PPM1H: variants seen among roughly 807,000 people sequenced by gnomAD.
PPM1H encodes protein phosphatase 1H.
A neutral mutation model predicts 54.9 loss-of-function variants in PPM1H; 27 were observed. That is an observed-to-expected ratio of 0.49 (90% CI 0.36 to 0.68). PPM1H has a LOEUF of 0.68. Among genes scored for constraint, PPM1H ranks in the 30% least tolerant of loss-of-function variants. The probability of loss-of-function intolerance (pLI) is 0.00; values close to 1 mark genes in which losing one functional copy is unlikely to be tolerated. For missense variants in PPM1H, 596 were observed against 667.8 expected, an observed-to-expected ratio of 0.89 and a Z score of 1.19; for synonymous variants, 305 against 270.8, an observed-to-expected ratio of 1.13 and a Z score of -1.24.
intron 8 of PPM1H, among the ~76,000 whole-genome samples, chr12:62,670,139 G>A (rs575269362): frequency 0.011 from 1,697 of 151,590 alleles, 35 homozygotes; most frequent in African/African-American, 0.038. Flanking sequence ...CACCACGCCC[G>A]GCTAATTTTG....
At chr12:62,924,989 A>G (rs2121177174) in intron 1 of PPM1H, among the ~76,000 whole-genome samples, 1 of 152,204 alleles carries the variant, frequency 6.6e-6, no homozygotes, top group South Asian at 2.1e-4. Flanking sequence ...GCTGCGTTGA[A>G]CCTGGATCAC....
chr12:62,748,143 C>T (rs1478969026), intron 4 of PPM1H, among the ~76,000 whole-genome samples: 1 of 151,614 alleles, frequency 6.6e-6, no homozygotes, highest in African/African-American at 2.4e-5. Flanking sequence ...TTTGGGAAGT[C>T]GAGGCAGGAG....
At chr12:62,755,806 G>A in intron 4 of PPM1H, 1 of 941,038 alleles carries the variant, frequency 1.1e-6, no homozygotes, top group South Asian at 1.4e-5. Context: ...GCCCCTCTGG[G>A]AAACTGTGGT....
intron 1 of PPM1H, among the ~76,000 whole-genome samples, chr12:62,914,267 G>T (rs60671574): frequency 7.1e-4 from 108 of 152,296 alleles, no homozygotes; most frequent in African/African-American, 2.5e-3. Context: ...GCACATGCTG[G>T]CTGTCCTTTG....
At chr12:62,838,328 T>G in intron 1 of PPM1H, among the ~76,000 whole-genome samples, 3 of 103,722 alleles carry the variant, frequency 2.9e-5, no homozygotes, top group East Asian at 3.2e-4. Flanking sequence ...AAATACAGTG[T>G]GTGTGTGTGT....
At chr12:62,705,890 G>A (rs2076170572) in intron 6 of PPM1H, among the ~76,000 whole-genome samples, 1 of 152,226 alleles carries the variant, frequency 6.6e-6, no homozygotes, top group East Asian at 1.9e-4. Flanking sequence ...AGCTACAAAT[G>A]GTGGGGTGAA....
intron 1 of PPM1H, among the ~76,000 whole-genome samples, chr12:62,928,546 T>C (rs938650361): frequency 2.6e-5 from 4 of 152,068 alleles, no homozygotes; most frequent in African/African-American, 9.7e-5. Context: ...CTCCCCCTTC[T>C]CCCCCATCTG....
intron 1 of PPM1H, among the ~76,000 whole-genome samples, chr12:62,910,373 T>C (rs1289076948): frequency 1.3e-5 from 2 of 152,170 alleles, no homozygotes; most frequent in African/African-American, 4.8e-5. Context: ...TTGAATAACC[T>C]AAAGATTATC....
intron 2 of PPM1H, among the ~76,000 whole-genome samples, chr12:62,814,871 G>C (rs2076856454): frequency 1.3e-5 from 2 of 152,184 alleles, no homozygotes; most frequent in African/African-American, 4.8e-5. Flanking sequence ...ATATTTTTCT[G>C]TTTCCCCACT....
chr12:62,713,243 C>G (rs2076217114), intron 6 of PPM1H, among the ~76,000 whole-genome samples: 1 of 152,122 alleles, frequency 6.6e-6, no homozygotes, highest in Non-Finnish European at 1.5e-5. Context: ...ACCCCAAACA[C>G]AGTGGAAAGG....
At chr12:62,781,681 T>G (rs1056387529) in intron 4 of PPM1H, among the ~76,000 whole-genome samples, 1 of 152,204 alleles carries the variant, frequency 6.6e-6, no homozygotes, top group East Asian at 1.9e-4. Context: ...GCTGCCAGTT[T>G]GGGGATCACA....
intron 4 of PPM1H, chr12:62,755,774 G>T: frequency 1.1e-6 from 1 of 935,796 alleles, no homozygotes; most frequent in Non-Finnish European, 1.7e-6. Flanking sequence ...TGCCATCACT[G>T]CCACCCAGAA....
At chr12:62,721,892 T>G (rs1470401819) in intron 5 of PPM1H, among the ~76,000 whole-genome samples, 7 of 152,124 alleles carry the variant, frequency 4.6e-5, no homozygotes, top group African/African-American at 1.7e-4. Context: ...ATATCCTGAG[T>G]ACTACACTCA....
At chr12:62,873,365 C>CTGT (rs2121013076) in intron 1 of PPM1H, among the ~76,000 whole-genome samples, 1 of 152,348 alleles carries the variant, frequency 6.6e-6, no homozygotes, top group Non-Finnish European at 1.5e-5. Flanking sequence ...CCTTCAGTTC[C>CTGT]TGTTACCTTC....
intron 1 of PPM1H, among the ~76,000 whole-genome samples, chr12:62,891,335 T>C (rs77245774): frequency 0.014 from 2,116 of 152,278 alleles, 49 homozygotes; most frequent in African/African-American, 0.048. Flanking sequence ...ACCAATAAGA[T>C]GAACCATTAG....
At chr12:62,795,458 T>C (rs1022272259) in intron 3 of PPM1H, among the ~76,000 whole-genome samples, 2 of 151,790 alleles carry the variant, frequency 1.3e-5, no homozygotes, top group Non-Finnish European at 2.9e-5. Context: ...TATATATATA[T>C]TTTTGAGACA....
intron 2 of PPM1H, among the ~76,000 whole-genome samples, chr12:62,824,006 T>G (rs202070873): frequency 1.3e-5 from 2 of 151,106 alleles, no homozygotes; most frequent in South Asian, 2.1e-4. Flanking sequence ...AAACCCCATC[T>G]TCTCAGCCCA....
chr12:62,934,860 G>A lies in PPM1H; in HGVS notation c.-124C>T, dbSNP rs1403017889. Reference sequence around the variant, plus strand: ...ACGGCGAGTCGGGCCACTGGGACGCGCCGCGCGCGGCTCCCAGAGCCTAGT... The same window carrying A: ...ACGGCGAGTCGGGCCACTGGGACGCACCGCGCGCGGCTCCCAGAGCCTAGT... On this transcript the variant is annotated 5_prime_UTR_variant, in exon 1 of 10. Transcript: ENST00000228705. This position sits in a 1 kb window ranked among gnomAD's most constrained non-coding sequence, Gnocchi z 4.2. 12 of 980,890 alleles carry A rather than the reference G, an allele frequency of 1.2e-5. No individual in the cohort carries two copies. In the Admixed American group the frequency reaches 4.2e-4, roughly 34 times the overall value. The allele number at this position is 980,890 out of a possible 1,614,324, so 60.8% of individuals were successfully genotyped here. A position where few individuals can be genotyped will look rare whatever the true frequency, so the allele number is the denominator to read the frequency against.
In PPM1H at chr12:62,648,552, C is replaced by T. The variant is rs1319439594; in HGVS notation, c.1482G>A (p.Leu494=). ...ATACAGAAATGTCGTCTCCTGAGCC[C>T]AGTCGGTCATTAGATATCCGCCATC... ...DRGWRISNDR[L]GSGDDISVYV... Residue 494 remains leucine, a synonymous_variant, in exon 10 of 10, where the codon CTG becomes CTA. Coordinates refer to ENST00000228705, the MANE Select transcript of PPM1H (RefSeq NM_020700.2). The T allele has an allele frequency of 6.8e-6, 11 of 1,613,972 alleles. No individual in the cohort carries two copies. The South Asian group carries it at 1.2e-4, about 18-fold the overall frequency.
Sources: allele counts gnomAD v4.1 joint callset (sites outside exome capture counted in the v4.1 genomes callset), GRCh38; gene constraint gnomAD v4.1.1; non-coding constraint Gnocchi (gnomAD v3.1); transcripts MANE v1.5; gene names NCBI Gene and HGNC (gene_info 2026-07-23, HGNC 2026-07-21).